The following SPATS2 variants were observed in gnomAD, a reference collection of about 807,000 sequenced individuals.
SPATS2 encodes spermatogenesis associated serine rich 2.
In SPATS2, 38 loss-of-function variants were observed where a neutral mutation model predicts 63.7. That is an observed-to-expected ratio of 0.60 (90% CI 0.46 to 0.78). The LOEUF (loss-of-function observed/expected upper bound fraction) is 0.78, where lower values mean the gene tolerates loss of function less well. Among genes scored for constraint, SPATS2 ranks in the 30% least tolerant of loss-of-function variants. The probability of loss-of-function intolerance (pLI) is 0.00; values close to 1 mark genes in which losing one functional copy is unlikely to be tolerated. For missense variants in SPATS2, 588 were observed against 666.2 expected (o/e 0.88, Z 1.29); for synonymous variants, 207 against 232.9 (o/e 0.89, Z 1.01).
chr12:49,437,299 C>A (rs1195786617), intron 2 of SPATS2, among the ~76,000 whole-genome samples: 1 of 151,732 alleles, frequency 6.6e-6, no homozygotes, highest in Non-Finnish European at 1.5e-5. Context: ...CTCCTCACTT[C>A]CTAGATGGGA....
intron 2 of SPATS2, among the ~76,000 whole-genome samples, chr12:49,425,539 C>T (rs1437063705): frequency 2.0e-5 from 3 of 151,888 alleles, no homozygotes; most frequent in African/African-American, 7.3e-5. Context: ...AGGCTCGTCT[C>T]GAACTCCTGG....
intron 2 of SPATS2, among the ~76,000 whole-genome samples, chr12:49,393,804 A>G (rs896721371): frequency 6.6e-6 from 1 of 151,904 alleles, no homozygotes; most frequent in African/African-American, 2.4e-5. Context: ...AGGCTCATCT[A>G]TTTGTTTCCT....
intron 2 of SPATS2, chr12:49,389,444 G>C: frequency 1.5e-6 from 1 of 654,710 alleles, no homozygotes; most frequent in Non-Finnish European, 2.8e-6. Context: ...GGTCCCGGTT[G>C]GTAGAGGCTT....
intron 9 of SPATS2, among the ~76,000 whole-genome samples, chr12:49,503,968 T>C (rs531584319): frequency 6.6e-6 from 1 of 152,354 alleles, no homozygotes; most frequent in East Asian, 1.9e-4. Context: ...AGAGATTACC[T>C]GCCCTTTCCT....
rs869155580 is a variant in SPATS2, at chr12:49,453,856, C to CTTTTTT, written c.-243-6895_-243-6890dup. 2.6e-3 allele frequency among the ~76,000 whole-genome samples: 199 copies of CTTTTTT among 76,192 alleles called. 6 individuals are homozygous for CTTTTTT. Among genetic ancestry groups the CTTTTTT allele is most frequent in the African/African-American group, 4.7e-3 (85 of 18,188 alleles). The allele number at this position is 76,192 out of a possible 152,430, so 50.0% of individuals were successfully genotyped here. A position where few individuals can be genotyped will look rare whatever the true frequency, so the allele number is the denominator to read the frequency against. On this transcript the variant is annotated intron_variant, in intron 2 of 13. Transcript: ENST00000552918. ...ACACAGAATTGCAGCAAATAGCATTCTTTTTTTTTTTTTTTTTTTTTTTTG... is the reference window on the plus strand; with the variant it reads ...ACACAGAATTGCAGCAAATAGCATTCTTTTTTTTTTTTTTTTTTTTTTTTTTTTTTG...
intron 2 of SPATS2, among the ~76,000 whole-genome samples, chr12:49,412,402 C>G (rs1944813113): frequency 6.6e-6 from 1 of 151,994 alleles, no homozygotes; most frequent in South Asian, 2.1e-4. Flanking sequence ...ACCATGTTGG[C>G]CAGGCTGGTC....
At chr12:49,396,273 G>T (rs993435927) in intron 2 of SPATS2, among the ~76,000 whole-genome samples, 1 of 152,160 alleles carries the variant, frequency 6.6e-6, no homozygotes, top group Non-Finnish European at 1.5e-5. Flanking sequence ...GAGATTAGTG[G>T]ATCATGTCAT....
At chr12:49,391,031 A>T (rs1465856779) in intron 2 of SPATS2, among the ~76,000 whole-genome samples, 1 of 152,078 alleles carries the variant, frequency 6.6e-6, no homozygotes, top group East Asian at 1.9e-4. Context: ...TTTCAAAGTG[A>T]ATTGGGAATT....
intron 1 of SPATS2, among the ~76,000 whole-genome samples, chr12:49,370,094 G>C (rs973770434): frequency 2.6e-5 from 4 of 152,158 alleles, no homozygotes; most frequent in African/African-American, 9.7e-5. Context: ...CGTTTGTTGA[G>C]CATTTATGTA....
At chr12:49,511,314 G>T (rs1946750410) in intron 9 of SPATS2, among the ~76,000 whole-genome samples, 1 of 152,140 alleles carries the variant, frequency 6.6e-6, no homozygotes, top group Non-Finnish European at 1.5e-5. Flanking sequence ...TTCTTTAGTA[G>T]CAGGAAGCAG....
rs1489954785 is a variant in SPATS2, at chr12:49,500,222, T to G, written c.839+17T>G. ...GGAGAGCTGGTAATTTAAGCTGCAT[T>G]TGATATCAGTAGCATAAAAATGATC... On this transcript the variant is annotated intron_variant, in intron 9 of 13. Transcript: ENST00000552918. 6.3e-7 allele frequency: 1 copy of G among 1,585,094 alleles called. No homozygotes were observed. The highest frequency in any genetic ancestry group is 2.0e-5 in the Admixed American group (1 of 50,380).
intron 2 of SPATS2, among the ~76,000 whole-genome samples, chr12:49,372,325 G>A (rs983534142): frequency 1.3e-5 from 2 of 152,096 alleles, no homozygotes; most frequent in African/African-American, 2.4e-5. Context: ...GATTACATGC[G>A]TGAACCACTG....
At chr12:49,480,234 G>T (rs1463576735) in intron 3 of SPATS2, among the ~76,000 whole-genome samples, 2 of 152,118 alleles carry the variant, frequency 1.3e-5, no homozygotes, top group Admixed American at 1.3e-4. Context: ...TTGGGCATAG[G>T]CTTTTCCATG....
At chr12:49,458,492 A>AAT (rs1171623051) in intron 2 of SPATS2, among the ~76,000 whole-genome samples, 1 of 151,924 alleles carries the variant, frequency 6.6e-6, no homozygotes, top group Non-Finnish European at 1.5e-5. Flanking sequence ...AGAAAAAAAA[A>AAT]ATATTGGCCA....
intron 2 of SPATS2, among the ~76,000 whole-genome samples, chr12:49,391,078 A>AG (rs1199598240): frequency 5.0e-5 from 4 of 80,172 alleles, no homozygotes; most frequent in Non-Finnish European, 9.2e-5. Context: ...TTAAAATTTC[A>AG]AAAAAAAATT....
chr12:49,513,792 G>A (rs1434223814), intron 9 of SPATS2, among the ~76,000 whole-genome samples: 1 of 152,104 alleles, frequency 6.6e-6, no homozygotes, highest in African/African-American at 2.4e-5. Context: ...GCCCTAGTGG[G>A]GATATTGCTT....
chr12:49,492,903 C>G (rs995515880), intron 6 of SPATS2, among the ~76,000 whole-genome samples: 1 of 151,916 alleles, frequency 6.6e-6, no homozygotes, highest in African/African-American at 2.4e-5. Context: ...TGAGACCAGC[C>G]TGGCCAACAT....
upstream of SPATS2, chr12:49,367,087 G>C (rs1200549778): frequency 6.5e-6 from 1 of 153,088 alleles, no homozygotes; most frequent in Non-Finnish European, 1.5e-5. Flanking sequence ...ACCGGGCCCC[G>C]AGAAGAGCGG....
At chr12:49,386,312 C>T (rs999228757) in intron 2 of SPATS2, among the ~76,000 whole-genome samples, 1 of 151,442 alleles carries the variant, frequency 6.6e-6, no homozygotes, top group Non-Finnish European at 1.5e-5. Flanking sequence ...TACAGGCGTG[C>T]GCCACCATGC....
Sources: gnomAD v4.1 joint callset for allele counts (sites outside exome capture counted in the v4.1 genomes callset) on GRCh38, gnomAD v4.1.1 for gene constraint, MANE v1.5 for transcripts, NCBI Gene and HGNC (gene_info 2026-07-23, HGNC 2026-07-21) for gene names.